Variants in ZNF765 observed in about 807,000 individuals in gnomAD.
ZNF765 encodes zinc finger protein 765.
A neutral mutation model predicts 44.7 loss-of-function variants in ZNF765; 37 were observed. The ratio of observed to expected loss-of-function variants is 0.83; its 90% CI spans 0.64 to 1.09. ZNF765 has a LOEUF of 1.09. Among genes scored for constraint, ZNF765 ranks in the 50% least tolerant of loss-of-function variants. The probability of loss-of-function intolerance (pLI) is 0.00; values close to 1 mark genes in which losing one functional copy is unlikely to be tolerated. For missense variants in ZNF765, 594 were observed against 626.1 expected (o/e 0.95, Z 0.55); for synonymous variants, 201 against 213.7 (o/e 0.94, Z 0.52).
intron 3 of ZNF765, among the ~76,000 whole-genome samples, chr19:53,421,168 G>A (rs770306675): frequency 1.3e-5 from 2 of 152,146 alleles, no homozygotes; most frequent in Non-Finnish European, 2.9e-5. Flanking sequence ...GTGTACGTGC[G>A]CATCAAAGCA....
At chr19:53,403,254 A>T (rs569016588) in intron 3 of ZNF765, among the ~76,000 whole-genome samples, 11 of 152,324 alleles carry the variant, frequency 7.2e-5, no homozygotes, top group African/African-American at 2.4e-4. Context: ...CTGTTGATTC[A>T]GCCAGTCTTT....
At position 53,408,853 on chromosome 19, in the gene ZNF765, G is replaced by A. The variant is rs763139884; in HGVS notation, c.1298G>A (p.Ser433Asn). 3.1e-6 allele frequency: 5 copies of A among 1,613,054 alleles called. No individual in the cohort carries two copies. The Admixed American group carries it at 6.7e-5, about 22-fold the overall frequency. Residue 433 changes from serine (S) to asparagine (N), a missense_variant, in exon 4 of 4, where the codon AGT becomes AAT. Around this residue, in one of 2 missense-constraint regions of ZNF765, gnomAD observed 567 missense variants for 572.6 expected, o/e 0.99. Transcript: ENST00000396408. ...ACCCTTAACATTTGTAGACTTCATA[G>A]TGGAGAGAAACCTTACAAATGTGAA... ...QLTLNICRLH[S>N]GEKPYKCEEC...
At position 53,410,995 on chromosome 19, in the gene ZNF765, G is replaced by A. The variant is rs1437069217; in HGVS notation, c.*1868G>A. On this transcript the variant is annotated 3_prime_UTR_variant, in exon 4 of 4. Transcript: ENST00000396408. ...GCAGGATATCAGAAAATTCATTTTGGAGATAGTTGTTCCAAATACAATGTG... is the reference window on the plus strand; with the variant it reads ...GCAGGATATCAGAAAATTCATTTTGAAGATAGTTGTTCCAAATACAATGTG... The A allele has an allele frequency of 8.4e-6, 3 of 357,838 alleles. No individual in the cohort carries two copies. Among genetic ancestry groups the A allele is most frequent in the African/African-American group, 2.1e-5 (1 of 46,572 alleles). 22.2% of individuals were successfully genotyped at this position (357,838 alleles called of 1,614,324 possible).
Position 53,410,886 on chromosome 19 carries a change from A to G in ZNF765, c.*1759A>G, listed in dbSNP as rs749687727. The G allele has an allele frequency of 1.7e-5, 8 of 464,558 alleles. No homozygotes were observed. Among genetic ancestry groups the G allele is most frequent in the Non-Finnish European group, 3.1e-5 (7 of 226,224 alleles). The allele number at this position is 464,558 out of a possible 1,614,324, so 28.8% of individuals were successfully genotyped here. A position where few individuals can be genotyped will look rare whatever the true frequency, so the allele number is the denominator to read the frequency against. ...AGCCTTTAATTCACATTCACACCTCACTAGACATCAGAGAATGCATACTGG... is the reference window on the plus strand; with the variant it reads ...AGCCTTTAATTCACATTCACACCTCGCTAGACATCAGAGAATGCATACTGG... On this transcript the variant is annotated 3_prime_UTR_variant, in exon 4 of 4. Coordinates refer to ENST00000396408, the MANE Select transcript of ZNF765 (RefSeq NM_001040185.3).
chr19:53,407,993 G>T lies in ZNF765; in HGVS notation c.438G>T (p.Ser146=), dbSNP rs147291089. ...ATCAGCTTGGATTCAGCTTTCATTC[G>T]CATCTGCCTGAACTGCACATATTTC... is the stretch of plus-strand genomic sequence containing the variant. ...VKYQLGFSFH[S]HLPELHIFHT... is the part of the protein sequence containing the mutation. Residue 146 remains serine, a synonymous_variant, in exon 4 of 4, where the codon TCG becomes TCT. Transcript: ENST00000396408. 20 of 1,614,018 alleles carry T rather than the reference G, an allele frequency of 1.2e-5. No individual in the cohort carries two copies. Among genetic ancestry groups the T allele is most frequent in the Non-Finnish European group, 1.6e-5 (19 of 1,180,040 alleles).
rs1246400340 is a variant in ZNF765 at position 53,410,000 on chromosome 19, A to G, written c.*873A>G. 5.7e-6 allele frequency: 3 copies of G among 529,426 alleles called. No homozygotes were observed. Among genetic ancestry groups the G allele is most frequent in the Non-Finnish European group, 1.1e-5 (3 of 266,630 alleles). The allele number at this position is 529,426 out of a possible 1,614,324, so 32.8% of individuals were successfully genotyped here. A position where few individuals can be genotyped will look rare whatever the true frequency, so the allele number is the denominator to read the frequency against. Reference sequence around the variant, plus strand: ...AATCCATAATGAAGAGAGATCCTACAAGTGTGATAAATGCAGAATAAATGC... The same window carrying G: ...AATCCATAATGAAGAGAGATCCTACGAGTGTGATAAATGCAGAATAAATGC... On this transcript the variant is annotated 3_prime_UTR_variant, in exon 4 of 4. Transcript: ENST00000396408.
chr19:53,401,583 A>T (rs1296717353), intron 2 of ZNF765, among the ~76,000 whole-genome samples: 1 of 152,038 alleles, frequency 6.6e-6, no homozygotes, highest in Non-Finnish European at 1.5e-5. Context: ...AAATAAAAAA[A>T]AAAACGTTTC....
downstream of ZNF765, chr19:53,413,077 T>C (rs1196389034): frequency 2.7e-6 from 1 of 363,774 alleles, no homozygotes; most frequent in Non-Finnish European, 5.3e-6. Flanking sequence ...GCCATTGCAC[T>C]CCAGCCTGCG....
In ZNF765 at chr19:53,409,578, G is replaced by C. The variant is rs767111501; in HGVS notation, c.*451G>C. 99 of 1,437,096 alleles carry C rather than the reference G, an allele frequency of 6.9e-5. No homozygotes were observed. Among genetic ancestry groups the C allele is most frequent in the Non-Finnish European group, 9.6e-5 (98 of 1,025,558 alleles). 89.0% of individuals were successfully genotyped at this position (1,437,096 alleles called of 1,614,324 possible). A position where few individuals can be genotyped will look rare whatever the true frequency, so the allele number is the denominator to read the frequency against. ...AGTTTTCCATTTCAAATCAAACCTTGAAAGACAAAGGAGAATTCATACTGG... is the reference window on the plus strand; with the variant it reads ...AGTTTTCCATTTCAAATCAAACCTTCAAAGACAAAGGAGAATTCATACTGG... On this transcript the variant is annotated 3_prime_UTR_variant, in exon 4 of 4. Transcript: ENST00000396408.
chr19:53,420,072 G>T (rs2085898409), intron 3 of ZNF765, among the ~76,000 whole-genome samples: 1 of 149,154 alleles, frequency 6.7e-6, no homozygotes, highest in South Asian at 2.1e-4. Flanking sequence ...AGTGGCTCAT[G>T]CCTGTAATCC....
chr19:53,419,485 C>A (rs1037038865), intron 3 of ZNF765, among the ~76,000 whole-genome samples: 1 of 152,146 alleles, frequency 6.6e-6, no homozygotes, highest in Non-Finnish European at 1.5e-5. Flanking sequence ...AGGAAGGCAA[C>A]ATTTAGGGAA....
downstream of ZNF765, among the ~76,000 whole-genome samples, chr19:53,414,504 C>A (rs867727166): frequency 9.6e-3 from 486 of 50,686 alleles, 39 homozygotes; most frequent in Non-Finnish European, 0.018. Context: ...CCCCCCCCCC[C>A]CCCCCGGGGA....
chr19:53,417,017 C>T (rs2147105469), intron 3 of ZNF765, among the ~76,000 whole-genome samples: 1 of 152,146 alleles, frequency 6.6e-6, no homozygotes. Flanking sequence ...GAGGTTTCAC[C>T]ATGTTGGCCA....
chr19:53,413,296 G>A (rs780984366), downstream of ZNF765: 45 of 586,704 alleles, frequency 7.7e-5, no homozygotes, highest in Non-Finnish European at 1.2e-4. Flanking sequence ...AATAAAATCA[G>A]GTACAACTTT....
rs1429393245 is a variant in ZNF765, at chr19:53,411,088, A to C, written c.*1961A>C. The C allele has an allele frequency of 1.1e-5, 3 of 264,346 alleles. No individual in the cohort carries two copies. The highest frequency in any genetic ancestry group is 4.6e-5 in the Admixed American group (1 of 21,590). The allele number at this position is 264,346 out of a possible 1,614,324, so 16.4% of individuals were successfully genotyped here. On this transcript the variant is annotated 3_prime_UTR_variant, in exon 4 of 4. Transcript: ENST00000396408. ...AGCATTGACTTGAGTTTGACTTAACATTGAGTTGAAGCCTTAATTGACATT... is the reference window on the plus strand; with the variant it reads ...AGCATTGACTTGAGTTTGACTTAACCTTGAGTTGAAGCCTTAATTGACATT...
downstream of ZNF765, chr19:53,413,113 AAAG>A: frequency 3.1e-6 from 1 of 327,470 alleles, no homozygotes; most frequent in Non-Finnish European, 5.7e-6. Flanking sequence ...TTTGTCTCAA[AAAG>A]AAAAAAAAAA....
Position 53,409,615 on chromosome 19 carries a change from A to T in ZNF765, c.*488A>T, listed in dbSNP as rs752471794. The T allele has an allele frequency of 2.7e-6, 4 of 1,466,078 alleles. No individual in the cohort carries two copies. In the Admixed American group the frequency reaches 6.7e-5, roughly 25 times the overall value. The allele number at this position is 1,466,078 out of a possible 1,614,324, so 90.8% of individuals were successfully genotyped here. ...AGAATTCATACTGGAGAGAAACCAT[A>T]CAAGTGTAATGAGTGTGGCAAGACC... On this transcript the variant is annotated 3_prime_UTR_variant, in exon 4 of 4. Coordinates refer to ENST00000396408, the MANE Select transcript of ZNF765 (RefSeq NM_001040185.3).
rs200009507 is a variant in ZNF765, at chr19:53,407,764, A to G, written c.209A>G (p.His70Arg). The G allele has an allele frequency of 3.6e-5, 58 of 1,607,432 alleles. 1 individual carries two copies. In the African/African-American group the frequency reaches 4.9e-4, roughly 14 times the overall value. ...STAQGNREVF[H>R]AGTSQRHESH... is the part of the protein sequence containing the mutation. ...GCACAAGGCAATAGAGAAGTGTTCC[A>G]TGCAGGGACATCTCAAAGACATGAA... The change falls in exon 4 of 4, where the codon CAT becomes CGT. Residue 70 changes from histidine to arginine, a missense_variant. Coordinates refer to ENST00000396408, the MANE Select transcript of ZNF765 (RefSeq NM_001040185.3).
intron 3 of ZNF765, chr19:53,423,036 T>C: frequency 1.5e-6 from 1 of 686,684 alleles, no homozygotes; most frequent in Non-Finnish European, 2.7e-6. Context: ...TGATTCTGGA[T>C]GTAAATTTCT....
Sources: gnomAD v4.1 joint callset for allele counts (sites outside exome capture counted in the v4.1 genomes callset) on GRCh38, gnomAD v4.1.1 for gene constraint, gnomAD v4.1.1 regional missense constraint, MANE v1.5 for transcripts, NCBI Gene and HGNC (gene_info 2026-07-23, HGNC 2026-07-21) for gene names.